LRCOL1: variants seen among roughly 807,000 people sequenced by gnomAD.
The protein encoded by LRCOL1 is leucine rich colipase like 1, also known as leucine-rich colipase-like protein 1.
Under a neutral mutation model 21.6 loss-of-function variants are expected in LRCOL1, and 21 were observed. That is an observed-to-expected ratio of 0.97 (90% CI 0.69 to 1.40). The LOEUF is 1.40. Ranked by LOEUF, LRCOL1 falls within the 40% of genes most tolerant of loss-of-function variation. The pLI, the probability that LRCOL1 is intolerant of heterozygous loss-of-function variation, is 0.00. For missense variants in LRCOL1, 198 were observed against 202.3 expected (o/e 0.98, Z 0.13); for synonymous variants, 98 against 90.1 (o/e 1.09, Z -0.49).
At chr12:132,604,890 A>C in intron 2 of LRCOL1, 59 bp from the exon 3 acceptor site, 2 of 1,522,898 alleles carry the variant, frequency 1.3e-6, no homozygotes, top group Middle Eastern at 1.7e-4. Flanking sequence ...CAGACTCAGC[A>C]CTCAGGAAAG....
At chr12:132,608,154 G>A (rs2041336449) in intron 1 of LRCOL1, among the ~76,000 whole-genome samples, 1 of 152,236 alleles carries the variant, frequency 6.6e-6, no homozygotes, top group South Asian at 2.1e-4. Context: ...GGAAGCCGCA[G>A]CAGATCAGGA....
intron 1 of LRCOL1, among the ~76,000 whole-genome samples, chr12:132,608,452 C>G (rs2041339804): frequency 6.6e-6 from 1 of 152,266 alleles, no homozygotes; most frequent in Non-Finnish European, 1.5e-5. Flanking sequence ...GCACCTGATC[C>G]TGGAGCCCTG....
intron 2 of LRCOL1, 144 bp from the exon 3 acceptor site, chr12:132,604,975 C>A: frequency 6.9e-7 from 1 of 1,452,618 alleles, no homozygotes; most frequent in Middle Eastern, 2.1e-4. Context: ...TGGAACAAAC[C>A]CAGACTGCCG....
chr12:132,603,241 G>C lies in LRCOL1; in HGVS notation c.*161C>G. The C allele has an allele frequency of 9.1e-7, 1 of 1,095,326 alleles. No individual in the cohort carries two copies. Among genetic ancestry groups the C allele is most frequent in the East Asian group, 2.6e-5 (1 of 38,194 alleles). 67.9% of individuals were successfully genotyped at this position (1,095,326 alleles called of 1,614,324 possible). On this transcript the variant is annotated 3_prime_UTR_variant, in exon 6 of 6. Coordinates refer to ENST00000376608, the MANE Select transcript of LRCOL1 (RefSeq NM_001195520.2). The stretch of plus-strand genomic sequence containing the variant: ...TCTCACAGACACTTCGCGCCACCAG[G>C]CTGGTCACAGCCTTTCAGTTCCCAC...
At chr12:132,605,059 G>A (rs1476242614) in intron 2 of LRCOL1, 28 of 1,368,438 alleles carry the variant, frequency 2.0e-5, no homozygotes, top group Non-Finnish European at 2.6e-5. Context: ...GTGGAAGAGG[G>A]TAAACCAAGG....
intron 3 of LRCOL1, 42 bp downstream of exon 3, chr12:132,604,664 G>A: frequency 5.9e-6 from 9 of 1,527,990 alleles, no homozygotes; most frequent in Non-Finnish European, 7.9e-6. Context: ...GGGGGCCACA[G>A]GCAGTCTCGC....
intron 1 of LRCOL1, among the ~76,000 whole-genome samples, chr12:132,609,374 C>T (rs1206549237): frequency 2.0e-4 from 30 of 152,222 alleles, no homozygotes; most frequent in Non-Finnish European, 4.4e-5. Context: ...CGTGAATGTG[C>T]TTCATGCCAC....
chr12:132,606,053 G>A lies in LRCOL1; in HGVS notation c.105+94C>T, dbSNP rs981551304. ...CTCCTGACGGAAAGTGGCAGCCCTC[G>A]CGGGTGGGGACTGCAAGGGCCTCAG... On this transcript the variant is annotated intron_variant, in intron 2 of 5. Transcript: ENST00000376608. The surrounding 1 kb of genome is among the most constrained non-coding windows in gnomAD (Gnocchi z 4.6). 1.9e-5 allele frequency: 22 copies of A among 1,186,308 alleles called. No homozygotes were observed. The highest frequency in any genetic ancestry group is 1.1e-4 in the African/African-American group (7 of 65,628). The allele number at this position is 1,186,308 out of a possible 1,614,324, so 73.5% of individuals were successfully genotyped here. A position where few individuals can be genotyped will look rare whatever the true frequency, so the allele number is the denominator to read the frequency against.
intron 1 of LRCOL1, among the ~76,000 whole-genome samples, chr12:132,608,261 C>A (rs552108393): frequency 6.6e-6 from 1 of 152,292 alleles, no homozygotes; most frequent in Non-Finnish European, 1.5e-5. Context: ...CAGCTGAGCC[C>A]CGGCAGTGGC....
chr12:132,609,126 C>T (rs1177087098), intron 1 of LRCOL1, among the ~76,000 whole-genome samples: 2 of 152,186 alleles, frequency 1.3e-5, no homozygotes, highest in Admixed American at 6.5e-5. Flanking sequence ...GAAGGCACCT[C>T]GGACCCAGGG....
rs900431420 is a variant in LRCOL1 at position 132,606,590 on chromosome 12, G to A, written c.-13-326C>T. Among the ~76,000 whole-genome samples, 5 of 152,102 alleles carry A rather than the reference G, an allele frequency of 3.3e-5. No individual in the cohort carries two copies. Among genetic ancestry groups the A allele is most frequent in the South Asian group, 2.1e-4 (1 of 4,818 alleles). The stretch of plus-strand genomic sequence containing the variant: ...ATCACCCGGAGTCCACAGCTCAGCC[G>A]GTGTGTGCCTGCTGCGGGTTTGGGT... On this transcript the variant is annotated intron_variant, in intron 1 of 5. Coordinates refer to ENST00000376608, the MANE Select transcript of LRCOL1 (RefSeq NM_001195520.2). This position sits in a 1 kb window ranked among gnomAD's most constrained non-coding sequence, Gnocchi z 4.6.
intron 5 of LRCOL1, chr12:132,603,795 CAGCAG>C: frequency 3.0e-6 from 3 of 985,456 alleles, no homozygotes; most frequent in Non-Finnish European, 2.4e-6. Context: ...CCCCAGGGCT[CAGCAG>C]AGCGGGAGCC....
chr12:132,603,815 C>CCGAGCA lies in LRCOL1; in HGVS notation c.478-417_478-412dup, dbSNP rs1271413459. ...GGGCTCAGCAGAGCGGGAGCCTGCA[C>CCGAGCA]CGAGCACGGCTTGTCCCATGGATTT... On this transcript the variant is annotated intron_variant, in intron 5 of 5. Coordinates refer to ENST00000376608, the MANE Select transcript of LRCOL1 (RefSeq NM_001195520.2). 15 of 985,314 alleles carry CCGAGCA rather than the reference C, an allele frequency of 1.5e-5. No homozygotes were observed. In the African/African-American group the frequency reaches 2.3e-4, roughly 15 times the overall value. The allele number at this position is 985,314 out of a possible 1,614,324, so 61.0% of individuals were successfully genotyped here.
intron 5 of LRCOL1, chr12:132,603,633 G>A (rs1200923522): frequency 1.0e-6 from 1 of 979,826 alleles, no homozygotes; most frequent in African/African-American, 1.8e-5. Context: ...GGTGGTACCC[G>A]AGGGCGCCTG....
chr12:132,606,320 G>A lies in LRCOL1; in HGVS notation c.-13-56C>T, dbSNP rs1053928367. 1.2e-5 allele frequency: 17 copies of A among 1,452,674 alleles called. No homozygotes were observed. In the African/African-American group the frequency reaches 1.3e-4, roughly 11 times the overall value. The allele number at this position is 1,452,674 out of a possible 1,614,324, so 90.0% of individuals were successfully genotyped here. A position where few individuals can be genotyped will look rare whatever the true frequency, so the allele number is the denominator to read the frequency against. On this transcript the variant is annotated intron_variant, in intron 1 of 5. Transcript: ENST00000376608. This position sits in a 1 kb window ranked among gnomAD's most constrained non-coding sequence, Gnocchi z 4.6. ...GTCCACGCCAGCCTTGTCCTGCCTGGCACCTGGTGCTGGCCTCCCCACTCC... is the reference window on the plus strand; with the variant it reads ...GTCCACGCCAGCCTTGTCCTGCCTGACACCTGGTGCTGGCCTCCCCACTCC...
In LRCOL1 at chr12:132,603,817, G is replaced by A. The variant is rs575227333; in HGVS notation, c.478-413C>T. 7.1e-5 allele frequency: 70 copies of A among 985,416 alleles called. 1 individual carries two copies. In the East Asian group the frequency reaches 4.9e-3, roughly 69 times the overall value. The allele number at this position is 985,416 out of a possible 1,614,324, so 61.0% of individuals were successfully genotyped here. ...GCTCAGCAGAGCGGGAGCCTGCACC[G>A]AGCACGGCTTGTCCCATGGATTTCC... On this transcript the variant is annotated intron_variant, in intron 5 of 5. Coordinates refer to ENST00000376608, the MANE Select transcript of LRCOL1 (RefSeq NM_001195520.2).
rs570989401 is a variant in LRCOL1, at chr12:132,606,730, C to A, written c.-13-466G>T. ...TCCCCAGCTGCTGACAGCCACCGAGCTTTTCACTGTCAGCTTGGTTTTGCC... is the reference window on the plus strand; with the variant it reads ...TCCCCAGCTGCTGACAGCCACCGAGATTTTCACTGTCAGCTTGGTTTTGCC... On this transcript the variant is annotated intron_variant, in intron 1 of 5. Transcript: ENST00000376608. The surrounding 1 kb of genome is among the most constrained non-coding windows in gnomAD (Gnocchi z 4.6). Among the ~76,000 whole-genome samples the A allele has an allele frequency of 1.7e-3, 260 of 151,542 alleles. No homozygotes were observed. The highest frequency in any genetic ancestry group is 1.9e-3 in the Non-Finnish European group (130 of 67,796).
rs1049755163 is a variant in LRCOL1, at chr12:132,603,481, G to A, written c.478-77C>T. The A allele has an allele frequency of 4.8e-5, 74 of 1,535,538 alleles. 1 individual carries two copies. In the South Asian group the frequency reaches 6.1e-4, roughly 13 times the overall value. ...GGCCGCGGAAGGAGGACGGGAACCC[G>A]GGGCCACAGCATCTCCCGGCACCAG... is the stretch of plus-strand genomic sequence containing the variant. On this transcript the variant is annotated intron_variant, in intron 5 of 5. Coordinates refer to ENST00000376608, the MANE Select transcript of LRCOL1 (RefSeq NM_001195520.2).
At chr12:132,610,211 C>T (rs547403124) in intron 1 of LRCOL1, 112 bp downstream of exon 1, 1 of 152,376 alleles carries the variant, frequency 6.6e-6, no homozygotes, top group African/African-American at 2.4e-5. Flanking sequence ...GCTGTGCACA[C>T]GTCCTATTGA....
Sources: gnomAD v4.1 joint callset for allele counts (sites outside exome capture counted in the v4.1 genomes callset) on GRCh38, gnomAD v4.1.1 for gene constraint, Gnocchi (gnomAD v3.1) non-coding constraint, MANE v1.5 for transcripts, NCBI Gene and HGNC (gene_info 2026-07-23, HGNC 2026-07-21) for gene names.